Variants in RBFOX1 observed in about 807,000 individuals in gnomAD.
The protein encoded by RBFOX1 is RNA binding protein fox-1 homolog 1.
RBFOX1 carries 8 observed loss-of-function variants against 57.7 expected under a neutral mutation model. That is an observed-to-expected ratio of 0.14 (90% CI 0.08 to 0.25). The LOEUF (loss-of-function observed/expected upper bound fraction) is 0.25, where lower values mean the gene tolerates loss of function less well. RBFOX1 is among the 10% of genes least tolerant of loss of function. The pLI is 1.00. For synonymous variants in RBFOX1, 326 were observed against 222.4 expected, an observed-to-expected ratio of 1.47 and a Z score of -4.15; for missense variants, 611 against 548.5, an observed-to-expected ratio of 1.11 and a Z score of -1.14.
intron 3 of RBFOX1, among the ~76,000 whole-genome samples, chr16:6,836,813 A>T (rs1264853176): frequency 5.3e-5 from 8 of 152,272 alleles, no homozygotes; most frequent in African/African-American, 1.9e-4. Context: ...GATGTTTTTT[A>T]AAAAATCAAG....
intron 2 of RBFOX1, among the ~76,000 whole-genome samples, chr16:6,475,876 C>T (rs1242621755): frequency 1.3e-5 from 2 of 152,158 alleles, no homozygotes; most frequent in East Asian, 3.9e-4. Flanking sequence ...ATCTACGTCG[C>T]ATTTTACTTC....
At chr16:6,358,054 C>G (rs550560607) in intron 2 of RBFOX1, among the ~76,000 whole-genome samples, 2 of 151,932 alleles carry the variant, frequency 1.3e-5, no homozygotes, top group Non-Finnish European at 2.9e-5. Context: ...GCTTCATCAA[C>G]TTCCAGAACC....
At chr16:7,025,846 G>C (rs1402410020) in intron 3 of RBFOX1, among the ~76,000 whole-genome samples, 6 of 152,134 alleles carry the variant, frequency 3.9e-5, no homozygotes, top group Non-Finnish European at 5.9e-5. Flanking sequence ...CCCCAGGTCA[G>C]GGATTCAAAG....
chr16:7,458,885 C>G (rs1034005945), intron 4 of RBFOX1, among the ~76,000 whole-genome samples: 1 of 152,208 alleles, frequency 6.6e-6, no homozygotes, highest in South Asian at 2.1e-4. Flanking sequence ...TTGTGTCTGT[C>G]TTTCTGCACT....
At chr16:7,321,119 ATATAC>A (rs2096538521) in intron 4 of RBFOX1, among the ~76,000 whole-genome samples, 1 of 137,316 alleles carries the variant, frequency 7.3e-6, no homozygotes, top group African/African-American at 2.7e-5. Context: ...ATACATATAC[ATATAC>A]ATATACTTAT....
Position 7,206,833 on chromosome 16 carries a change from A to G in RBFOX1, c.27+154735A>G, listed in dbSNP as rs111918120. 7.5e-3 allele frequency among the ~76,000 whole-genome samples: 1,149 copies of G among 152,242 alleles called. 10 individuals carry two copies. Among genetic ancestry groups the G allele is most frequent in the African/African-American group, 0.026 (1,094 of 41,514 alleles). ...GCATTTTAAGTTGGGATTTATAAAC[A>G]ATCAATTCTCTTCTTATCAGAAAAA... On this transcript the variant is annotated intron_variant, in intron 4 of 15. Coordinates refer to ENST00000550418, the MANE Select transcript of RBFOX1 (RefSeq NM_018723.4).
chr16:6,901,819 T>C (rs142372123), intron 3 of RBFOX1, among the ~76,000 whole-genome samples: 6 of 152,338 alleles, frequency 3.9e-5, no homozygotes, highest in African/African-American at 1.4e-4. Context: ...CACTGTTATA[T>C]TTACTGTGTT....
intron 1 of RBFOX1, among the ~76,000 whole-genome samples, chr16:6,242,749 G>C (rs887388356): frequency 2.0e-5 from 3 of 151,950 alleles, no homozygotes; most frequent in African/African-American, 7.3e-5. Flanking sequence ...AGGGAAGAGA[G>C]AGGTTAAGTA....
At chr16:7,252,476 A>G (rs1382265792) in intron 4 of RBFOX1, among the ~76,000 whole-genome samples, 1 of 152,208 alleles carries the variant, frequency 6.6e-6, no homozygotes, top group African/African-American at 2.4e-5. Context: ...CATCGTCAGC[A>G]CTGAAGTATC....
intron 1 of RBFOX1, among the ~76,000 whole-genome samples, chr16:6,118,795 CTCCTTCCTTCCT>C (rs141645206): frequency 1.4e-5 from 2 of 147,160 alleles, no homozygotes; most frequent in South Asian, 2.1e-4. Flanking sequence ...CTTTCTCTCT[CTCCTTCCTTCCT>C]TCCTTCCTTC....
intron 4 of RBFOX1, among the ~76,000 whole-genome samples, chr16:7,342,943 A>G (rs976373304): frequency 6.6e-6 from 1 of 152,176 alleles, no homozygotes. Context: ...AGAGTTGATC[A>G]GTTTCAATAA....
chr16:5,856,187 C>CTCTCTCTCTCTCTATA (rs1430331422), intron 3 of RBFOX1, among the ~76,000 whole-genome samples: 11 of 31,068 alleles, frequency 3.5e-4, no homozygotes, highest in Non-Finnish European at 5.1e-4. Context: ...CTCTCTCTCT[C>CTCTCTCTCTCTCTATA]TATATATATA....
chr16:7,368,971 C>G (rs8043970), intron 4 of RBFOX1, among the ~76,000 whole-genome samples: 3 of 151,646 alleles, frequency 2.0e-5, no homozygotes, highest in African/African-American at 7.3e-5. Flanking sequence ...TTTTTTAACA[C>G]AATGATCCTG....
At chr16:6,370,362 G>GAAAAAAAAAAA (rs71145221) in intron 2 of RBFOX1, among the ~76,000 whole-genome samples, 1 of 81,978 alleles carries the variant, frequency 1.2e-5, no homozygotes, top group Non-Finnish European at 2.2e-5. Context: ...CGTCTCAAAA[G>GAAAAAAAAAAA]AAAAAAAAAA....
Position 6,932,303 on chromosome 16 carries a change from C to T in RBFOX1, c.-15-119754C>T, listed in dbSNP as rs149025681. On this transcript the variant is annotated intron_variant, in intron 3 of 15. Coordinates refer to ENST00000550418, the MANE Select transcript of RBFOX1 (RefSeq NM_018723.4). Reference sequence around the variant, plus strand: ...TGAATTTTCAGTAGAGACGGGGTTTCACCCTGTTGGCCAAGCTGGTCTCAA... The same window carrying T: ...TGAATTTTCAGTAGAGACGGGGTTTTACCCTGTTGGCCAAGCTGGTCTCAA... 6.4e-3 allele frequency among the ~76,000 whole-genome samples: 978 copies of T among 152,222 alleles called. 10 individuals are homozygous for T. Among genetic ancestry groups the T allele is most frequent in the African/African-American group, 0.023 (941 of 41,530 alleles).
At chr16:7,277,478 T>A (rs2095463546) in intron 4 of RBFOX1, among the ~76,000 whole-genome samples, 1 of 152,210 alleles carries the variant, frequency 6.6e-6, no homozygotes, top group Non-Finnish European at 1.5e-5. Flanking sequence ...TAGGACACCA[T>A]TTAATTGGGA....
intron 3 of RBFOX1, among the ~76,000 whole-genome samples, chr16:6,876,648 C>G (rs1268228455): frequency 6.6e-6 from 1 of 151,838 alleles, no homozygotes; most frequent in East Asian, 1.9e-4. Context: ...TCTAAGAGTA[C>G]ATTTCTCACC....
chr16:6,035,135 A>G (rs931844543), intron 1 of RBFOX1, among the ~76,000 whole-genome samples: 1 of 152,190 alleles, frequency 6.6e-6, no homozygotes, highest in Non-Finnish European at 1.5e-5. Flanking sequence ...TCACCCATCC[A>G]TGACAACCAA....
At chr16:5,812,691 G>T (rs2055477445) in intron 3 of RBFOX1, among the ~76,000 whole-genome samples, 1 of 151,940 alleles carries the variant, frequency 6.6e-6, no homozygotes, top group South Asian at 2.1e-4. Context: ...CAAACTCCTG[G>T]CCTCAAGCAG....
Sources: allele counts gnomAD v4.1 joint callset (sites outside exome capture counted in the v4.1 genomes callset), GRCh38; gene constraint gnomAD v4.1.1; transcripts MANE v1.5; gene names NCBI Gene and HGNC (gene_info 2026-07-23, HGNC 2026-07-21).